The following CTNNA3 variants were observed in gnomAD, a reference collection of about 807,000 sequenced individuals.
The protein encoded by CTNNA3 is catenin alpha 3, also known as catenin alpha-3.
A neutral mutation model predicts 95.7 loss-of-function variants in CTNNA3; 76 were observed. That is an observed-to-expected ratio of 0.79 (90% confidence interval 0.66 to 0.96). The LOEUF (loss-of-function observed/expected upper bound fraction) is 0.96, where lower values mean the gene tolerates loss of function less well. CTNNA3 is among the 40% of genes least tolerant of loss of function. The probability of loss-of-function intolerance (pLI) is 0.00; values close to 1 mark genes in which losing one functional copy is unlikely to be tolerated. For synonymous variants in CTNNA3, 431 were observed against 374.4 expected (o/e 1.15, Z -1.74); for missense variants, 1,191 against 1,089.8 (o/e 1.09, Z -1.31).
chr10:67,704,468 C>T (rs962683468), intron 1 of CTNNA3, among the ~76,000 whole-genome samples: 12 of 152,142 alleles, frequency 7.9e-5, no homozygotes, highest in African/African-American at 1.9e-4. Flanking sequence ...TCAGAAATAA[C>T]GCCACATATC....
chr10:67,180,294 G>A, intron 7 of CTNNA3, 23 bp downstream of exon 7: 2 of 1,602,522 alleles, frequency 1.2e-6, no homozygotes, highest in Non-Finnish European at 1.7e-6. Flanking sequence ...GGCTAGGGAT[G>A]GGAAGGCAAA....
chr10:67,315,849 T>C (rs1333762855), intron 5 of CTNNA3, among the ~76,000 whole-genome samples: 1 of 152,160 alleles, frequency 6.6e-6, no homozygotes, highest in African/African-American at 2.4e-5. Flanking sequence ...TCACTAGTGA[T>C]TGCACTGCTT....
At chr10:67,600,536 A>T (rs900029179) in intron 3 of CTNNA3, among the ~76,000 whole-genome samples, 2 of 152,222 alleles carry the variant, frequency 1.3e-5, no homozygotes, top group African/African-American at 4.8e-5. Flanking sequence ...ATACCACTAC[A>T]TACATTTGAA....
At chr10:66,163,518 C>T (rs902582027) in intron 13 of CTNNA3, among the ~76,000 whole-genome samples, 1 of 152,140 alleles carries the variant, frequency 6.6e-6, no homozygotes, top group Admixed American at 6.5e-5. Context: ...AGGAGGGTCT[C>T]CCTTTCCCAC....
At chr10:67,604,618 A>C (rs543857836) in intron 3 of CTNNA3, among the ~76,000 whole-genome samples, 13 of 152,358 alleles carry the variant, frequency 8.5e-5, no homozygotes, top group Admixed American at 7.8e-4. Context: ...ATTGAACCTG[A>C]CTGATAAAAG....
At chr10:67,457,586 A>G (rs916859997) in intron 5 of CTNNA3, among the ~76,000 whole-genome samples, 2 of 152,232 alleles carry the variant, frequency 1.3e-5, no homozygotes, top group Non-Finnish European at 2.9e-5. Context: ...TTGGCTGCTG[A>G]AAACAACACA....
At chr10:67,595,192 T>C (rs1467320147) in intron 3 of CTNNA3, among the ~76,000 whole-genome samples, 1 of 152,196 alleles carries the variant, frequency 6.6e-6, no homozygotes, top group Non-Finnish European at 1.5e-5. Context: ...AGGTTGTTTT[T>C]CTCTTGCTTT....
chr10:67,487,081 C>T (rs1410702381), intron 5 of CTNNA3, among the ~76,000 whole-genome samples: 2 of 152,142 alleles, frequency 1.3e-5, no homozygotes, highest in Admixed American at 6.5e-5. Context: ...CCCCATTCTG[C>T]CCAATGCTTC....
chr10:66,585,746 C>A (rs1433688797), intron 10 of CTNNA3, among the ~76,000 whole-genome samples: 1 of 151,810 alleles, frequency 6.6e-6, no homozygotes, highest in African/African-American at 2.4e-5. Context: ...AACTCTTTAT[C>A]TGGTATTTCA....
Position 67,569,337 on chromosome 10 carries a change from A to G in CTNNA3, c.293-29668T>C, listed in dbSNP as rs114479202. Among the ~76,000 whole-genome samples, 656 of 152,288 alleles carry G rather than the reference A, an allele frequency of 4.3e-3. 6 individuals carry two copies. The highest frequency in any genetic ancestry group is 0.015 in the African/African-American group (612 of 41,582). ...ATTTGAGTTACTTGATATGCTGGAC[A>G]TATAGACAAGCTGATTTAAGAAATA... On this transcript the variant is annotated intron_variant, in intron 3 of 17. Transcript: ENST00000433211.
chr10:66,694,233 AAAG>A, intron 9 of CTNNA3, among the ~76,000 whole-genome samples: 1 of 152,094 alleles, frequency 6.6e-6, no homozygotes, highest in African/African-American at 2.4e-5. Flanking sequence ...ATAAAGAAGA[AAAG>A]AGAGAAGAAT....
chr10:66,220,170 A>T (rs1221812718), intron 13 of CTNNA3, among the ~76,000 whole-genome samples: 1 of 152,146 alleles, frequency 6.6e-6, no homozygotes, highest in Non-Finnish European at 1.5e-5. Flanking sequence ...AAACACAGAA[A>T]CATGGGTAAG....
At position 66,187,290 on chromosome 10, in the gene CTNNA3, T is replaced by G. The variant is rs182594384; in HGVS notation, c.1885-84041A>C. Among the ~76,000 whole-genome samples, 303 of 151,918 alleles carry G rather than the reference T, an allele frequency of 2.0e-3. 1 individual carries two copies. The highest frequency in any genetic ancestry group is 6.5e-3 in the African/African-American group (270 of 41,422). On this transcript the variant is annotated intron_variant, in intron 13 of 17. Coordinates refer to ENST00000433211, the MANE Select transcript of CTNNA3 (RefSeq NM_013266.4). ...TAGCAGCAATTGTTAAATATTGTGG[T>G]TAGCTGAACTGGTGACAGCAGTTAG...
At chr10:66,944,826 T>C (rs1211788405) in intron 7 of CTNNA3, among the ~76,000 whole-genome samples, 4 of 152,216 alleles carry the variant, frequency 2.6e-5, no homozygotes, top group African/African-American at 7.2e-5. Flanking sequence ...TCCATGTATA[T>C]GTCCATCAGA....
chr10:66,052,024 A>C (rs772026522), intron 15 of CTNNA3, among the ~76,000 whole-genome samples: 1 of 152,176 alleles, frequency 6.6e-6, no homozygotes, highest in Non-Finnish European at 1.5e-5. Context: ...GAAGCCAGTA[A>C]AAATTCCATA....
chr10:66,650,691 G>A (rs958606500), intron 9 of CTNNA3, among the ~76,000 whole-genome samples: 2 of 152,144 alleles, frequency 1.3e-5, no homozygotes, highest in South Asian at 2.1e-4. Flanking sequence ...GAATGAAGCT[G>A]CAGACCTTCC....
chr10:67,459,292 A>T (rs897502276), intron 5 of CTNNA3, among the ~76,000 whole-genome samples: 1 of 152,194 alleles, frequency 6.6e-6, no homozygotes, highest in Non-Finnish European at 1.5e-5. Context: ...AGAAATTGGT[A>T]GAGCATGCAA....
At chr10:66,236,637 C>T (rs2089866146) in intron 13 of CTNNA3, among the ~76,000 whole-genome samples, 2 of 152,068 alleles carry the variant, frequency 1.3e-5, no homozygotes, top group Admixed American at 1.3e-4. Context: ...AAATTGTTTT[C>T]CCACCCTCTT....
At chr10:66,481,381 T>C (rs1416737534) in intron 11 of CTNNA3, among the ~76,000 whole-genome samples, 1 of 151,068 alleles carries the variant, frequency 6.6e-6, no homozygotes, top group Non-Finnish European at 1.5e-5. Context: ...ATTCAACAAA[T>C]ACTTACTAAT....
Sources: allele counts gnomAD v4.1 joint callset (sites outside exome capture counted in the v4.1 genomes callset), GRCh38; gene constraint gnomAD v4.1.1; transcripts MANE v1.5; gene names NCBI Gene and HGNC (gene_info 2026-07-23, HGNC 2026-07-21).